MFHAS1: variants seen among roughly 807,000 people sequenced by gnomAD.
MFHAS1 encodes the protein multifunctional ROCO family signaling regulator 1.
A neutral mutation model predicts 70.4 loss-of-function variants in MFHAS1; 50 were observed. The ratio of observed to expected loss-of-function variants is 0.71; its 90% CI spans 0.57 to 0.90. The LOEUF is 0.90. Ranked by LOEUF, MFHAS1 falls within the 40% of genes least tolerant of loss-of-function variation. The pLI is 0.00. For synonymous variants in MFHAS1, 952 were observed against 620.0 expected, an observed-to-expected ratio of 1.54 and a Z score of -7.96; for missense variants, 1,795 against 1,347.6, an observed-to-expected ratio of 1.33 and a Z score of -5.20.
In MFHAS1 at chr8:8,800,573, T is replaced by G. The variant is rs75510916; in HGVS notation, c.2999-3082A>C. Among the ~76,000 whole-genome samples the G allele has an allele frequency of 3.8e-4, 58 of 152,254 alleles. 1 individual carries two copies. The East Asian group carries it at 0.011, about 28-fold the overall frequency. The stretch of plus-strand genomic sequence containing the variant: ...CACCATGCACCACAGGGGCCAGGAC[T>G]CCAACGAGAAGTTGCTGTGGGCACC... On this transcript the variant is annotated intron_variant, in intron 1 of 2. Transcript: ENST00000276282.
At chr8:8,887,490 CA>C (rs893265651) in intron 1 of MFHAS1, among the ~76,000 whole-genome samples, 12 of 143,598 alleles carry the variant, frequency 8.4e-5, no homozygotes, top group East Asian at 2.0e-4. Context: ...CAACACAATT[CA>C]AAAAAAAACA....
intron 2 of MFHAS1, among the ~76,000 whole-genome samples, chr8:8,796,771 G>A (rs1260030031): frequency 1.3e-5 from 2 of 149,732 alleles, no homozygotes; most frequent in Non-Finnish European, 3.0e-5. Context: ...CAAGACGGGC[G>A]GATCCCGAGG....
chr8:8,879,411 T>G (rs1400348077), intron 1 of MFHAS1, among the ~76,000 whole-genome samples: 1 of 152,166 alleles, frequency 6.6e-6, no homozygotes, highest in African/African-American at 2.4e-5. Flanking sequence ...AAAGGCTGAT[T>G]CGTTTGGGAA....
intron 1 of MFHAS1, among the ~76,000 whole-genome samples, chr8:8,862,967 T>C (rs1261277980): frequency 6.6e-6 from 1 of 152,252 alleles, no homozygotes; most frequent in African/African-American, 2.4e-5. Flanking sequence ...TTGGTAAGAC[T>C]GTATATTTTT....
rs764417467 is a variant in MFHAS1 at position 8,826,168 on chromosome 8, G to A, written c.2999-28677C>T. Among the ~76,000 whole-genome samples the A allele has an allele frequency of 9.9e-5, 15 of 151,970 alleles. No homozygotes were observed. The South Asian group carries it at 1.9e-3, about 19-fold the overall frequency. ...AATAAATGTCCACCTTCCTCCTGACGGCCAGTCTATTCCACAGAGGTAACT... is the reference window on the plus strand; with the variant it reads ...AATAAATGTCCACCTTCCTCCTGACAGCCAGTCTATTCCACAGAGGTAACT... On this transcript the variant is annotated intron_variant, in intron 1 of 2. Transcript: ENST00000276282.
chr8:8,841,538 T>TC (rs1173626218), intron 1 of MFHAS1, among the ~76,000 whole-genome samples: 3 of 152,104 alleles, frequency 2.0e-5, no homozygotes, highest in Non-Finnish European at 4.4e-5. Flanking sequence ...ACTCACTCAT[T>TC]CCCCTCAAGC....
intron 1 of MFHAS1, among the ~76,000 whole-genome samples, chr8:8,815,526 CTG>C (rs1380936038): frequency 6.6e-6 from 1 of 152,210 alleles, no homozygotes; most frequent in Non-Finnish European, 1.5e-5. Context: ...TCGCCAGCAT[CTG>C]TTGCTTCTTG....
intron 1 of MFHAS1, among the ~76,000 whole-genome samples, chr8:8,873,348 C>G (rs1233353055): frequency 1.3e-5 from 2 of 152,096 alleles, no homozygotes; most frequent in Non-Finnish European, 2.9e-5. Flanking sequence ...AGACCAAACA[C>G]TTCAATGAGT....
At chr8:8,818,354 T>C (rs1166591177) in intron 1 of MFHAS1, among the ~76,000 whole-genome samples, 3 of 152,188 alleles carry the variant, frequency 2.0e-5, no homozygotes, top group African/African-American at 7.2e-5. Context: ...GTGAAACTGG[T>C]CTTCCACCTA....
At chr8:8,837,878 A>G (rs1807661059) in intron 1 of MFHAS1, among the ~76,000 whole-genome samples, 1 of 152,206 alleles carries the variant, frequency 6.6e-6, no homozygotes, top group Non-Finnish European at 1.5e-5. Context: ...ACTGCTCAGT[A>G]AAATCAGCGA....
chr8:8,787,086 T>A (rs1163254472), intron 2 of MFHAS1, among the ~76,000 whole-genome samples: 1 of 20,170 alleles, frequency 5.0e-5, no homozygotes, highest in Non-Finnish European at 9.4e-5. Context: ...ATTATTATTA[T>A]TTTTTTTTTT....
chr8:8,876,980 T>C (rs1290034242), intron 1 of MFHAS1, among the ~76,000 whole-genome samples: 3 of 150,138 alleles, frequency 2.0e-5, no homozygotes, highest in Non-Finnish European at 3.0e-5. Flanking sequence ...CGGTAAGTGG[T>C]GTCCAACAAA....
At chr8:8,832,916 T>C (rs13259619) in intron 1 of MFHAS1, among the ~76,000 whole-genome samples, 119,617 of 152,116 alleles carry the variant, frequency 0.79, 47,559 homozygotes, top group East Asian at 0.89. Context: ...AAAGAAATAC[T>C]TGAGACCGGG....
intron 1 of MFHAS1, among the ~76,000 whole-genome samples, chr8:8,881,026 T>C (rs1026914092): frequency 6.6e-6 from 1 of 152,154 alleles, no homozygotes; most frequent in African/African-American, 2.4e-5. Flanking sequence ...AAACTCACAA[T>C]GTCCCTGCAA....
chr8:8,857,370 A>C (rs1338708895), intron 1 of MFHAS1, among the ~76,000 whole-genome samples: 2 of 152,040 alleles, frequency 1.3e-5, no homozygotes, highest in Non-Finnish European at 2.9e-5. Flanking sequence ...AATATGCCAA[A>C]TTTTTCTACC....
Position 8,892,640 on chromosome 8 carries a change from A to C in MFHAS1, c.419T>G (p.Leu140Arg). Residue 140 changes from leucine to arginine, a missense_variant, in exon 1 of 3, where the codon CTC (leucine) becomes CGC (arginine). Physicochemically the swap from Leu to Arg is moderately radical, Grantham distance 102 (BLOSUM62 -2). Coordinates refer to ENST00000276282, the MANE Select transcript of MFHAS1 (RefSeq NM_004225.3). The surrounding 1 kb of genome is among the most constrained non-coding windows in gnomAD (Gnocchi z 4.7). ...GGGCAGCTGGTTGTGGCTGAGGTTG[A>C]GCTTCCGCAGCTCCCTCAGAGCACT... ...VVSALRELRK[L>R]NLSHNQLPAL... 1 of 1,598,706 alleles carries C rather than the reference A, an allele frequency of 6.3e-7. No homozygotes were observed. Among genetic ancestry groups the C allele is most frequent in the Non-Finnish European group, 8.5e-7 (1 of 1,173,574 alleles).
chr8:8,890,560 G>A lies in MFHAS1; in HGVS notation c.2499C>T (p.Leu833=). 1.2e-6 allele frequency: 2 copies of A among 1,613,532 alleles called. No individual in the cohort carries two copies. The highest frequency in any genetic ancestry group is 2.2e-5 in the South Asian group (2 of 91,084). ...LLEKMGLCYC[L]NKPKGKPLNG... is the part of the protein sequence containing the mutation. ...TCAAAGGCTTGCCCTTGGGTTTATTGAGGCAGTAACAGAGTCCCATCTTCT... is the reference window on the plus strand; with the variant it reads ...TCAAAGGCTTGCCCTTGGGTTTATTAAGGCAGTAACAGAGTCCCATCTTCT... Residue 833 remains leucine (L), a synonymous_variant, in exon 1 of 3, where the codon CTC becomes CTT. Transcript: ENST00000276282.
At chr8:8,872,708 C>T (rs1054738156) in intron 1 of MFHAS1, among the ~76,000 whole-genome samples, 4 of 151,992 alleles carry the variant, frequency 2.6e-5, no homozygotes, top group African/African-American at 9.7e-5. Context: ...GGCCCAACAG[C>T]CCCTAAGGCA....
At chr8:8,837,236 G>C (rs1166306904) in intron 1 of MFHAS1, among the ~76,000 whole-genome samples, 1 of 152,162 alleles carries the variant, frequency 6.6e-6, no homozygotes, top group East Asian at 1.9e-4. Flanking sequence ...TCTTAGAGCA[G>C]AAGAACAAAA....
Sources: gnomAD v4.1 joint callset for allele counts (sites outside exome capture counted in the v4.1 genomes callset) on GRCh38, gnomAD v4.1.1 for gene constraint, Gnocchi (gnomAD v3.1) non-coding constraint, MANE v1.5 for transcripts, NCBI Gene and HGNC (gene_info 2026-07-23, HGNC 2026-07-21) for gene names.